ZC3H14: variants seen among roughly 807,000 people sequenced by gnomAD.
ZC3H14 encodes the protein zinc finger CCCH domain-containing protein 14.
In ZC3H14, 31 loss-of-function variants were observed where a neutral mutation model predicts 92.4. The ratio of observed to expected loss-of-function variants is 0.34; its 90% confidence interval spans 0.25 to 0.45. The LOEUF (loss-of-function observed/expected upper bound fraction) is 0.45. Among genes scored for constraint, ZC3H14 ranks in the 20% least tolerant of loss-of-function variants. ZC3H14 has a pLI of 1.00. For missense variants in ZC3H14, 781 were observed against 897.3 expected (o/e 0.87, Z 1.66); for synonymous variants, 321 against 300.9 (o/e 1.07, Z -0.69).
Position 88,627,074 on chromosome 14 carries a change from G to A in ZC3H14, c.*15323G>A. On this transcript the variant is annotated 3_prime_UTR_variant, in exon 17 of 17. Transcript: ENST00000251038. ...GACAAGATACAACAAAATTATCTAG[G>A]TTATTACAAGAACCAAGCTAATCAA... is the stretch of plus-strand genomic sequence containing the variant. 6.2e-7 allele frequency: 1 copy of A among 1,606,388 alleles called. No homozygotes were observed. Among genetic ancestry groups the A allele is most frequent in the Non-Finnish European group, 8.5e-7 (1 of 1,174,472 alleles).
chr14:88,609,011 T>G (rs1449000207), intron 13 of ZC3H14: 2 of 489,508 alleles, frequency 4.1e-6, no homozygotes, highest in Admixed American at 7.2e-5. Context: ...GTGGTGTGAT[T>G]TTTATCACAA....
intron 12 of ZC3H14, among the ~76,000 whole-genome samples, chr14:88,603,647 C>T (rs977698423): frequency 5.9e-5 from 9 of 152,156 alleles, no homozygotes; most frequent in Non-Finnish European, 1.3e-4. Context: ...GTAGCTGCAA[C>T]GCCACTGATC....
chr14:88,563,913 C>T (rs1483863004), intron 2 of ZC3H14, among the ~76,000 whole-genome samples: 1 of 151,974 alleles, frequency 6.6e-6, no homozygotes, highest in Non-Finnish European at 1.5e-5. Flanking sequence ...AATTTAGTTT[C>T]CTCCGTTAAG....
At chr14:88,577,889 CA>C in intron 8 of ZC3H14, 95 bp from the exon 9 acceptor site, 1 of 1,526,814 alleles carries the variant, frequency 6.5e-7, no homozygotes, top group Non-Finnish European at 9.1e-7. Context: ...TGTCCTAAAC[CA>C]AAGGAGGCAT....
chr14:88,622,456 AAGC>A lies in ZC3H14; in HGVS notation c.*10710_*10712del, dbSNP rs1312165221. 2 of 574,774 alleles carry A rather than the reference AAGC, an allele frequency of 3.5e-6. No homozygotes were observed. The highest frequency in any genetic ancestry group is 5.5e-6 in the Non-Finnish European group (2 of 363,706). The allele number at this position is 574,774 out of a possible 1,614,324, so 35.6% of individuals were successfully genotyped here. A position where few individuals can be genotyped will look rare whatever the true frequency, so the allele number is the denominator to read the frequency against. ...ACACTGGTGCTAACTTTGGCAAAGA[AAGC>A]AGCAAAGACAGAGTAATGTTGGCAA... On this transcript the variant is annotated 3_prime_UTR_variant, in exon 17 of 17. Coordinates refer to ENST00000251038, the MANE Select transcript of ZC3H14 (RefSeq NM_024824.5).
In ZC3H14 at chr14:88,578,090, C is replaced by A; in HGVS notation, c.1229C>A (p.Pro410His). 6.2e-7 allele frequency: 1 copy of A among 1,613,842 alleles called. No individual in the cohort carries two copies. Among genetic ancestry groups the A allele is most frequent in the East Asian group, 2.2e-5 (1 of 44,872 alleles). The change falls in exon 9 of 17, where the codon CCC (proline) becomes CAC (histidine). Residue 410 changes from proline to histidine, a missense_variant. Transcript: ENST00000251038. Reference protein sequence around the residue: ...QGQSRTPRISPPIKEEETKGD... With the variant: ...QGQSRTPRISHPIKEEETKGD... ...CAAAGTAGGACCCCCAGAATAAGTC[C>A]CCCCATTAAAGAAGAGGAAACAAAA...
chr14:88,620,392 T>C lies in ZC3H14; in HGVS notation c.*8641T>C. On this transcript the variant is annotated 3_prime_UTR_variant, in exon 17 of 17. Transcript: ENST00000251038. This position sits in a 1 kb window ranked among gnomAD's most constrained non-coding sequence, Gnocchi z 4.3. Reference sequence around the variant, plus strand: ...AAACTGAGGTTACTAAGAGAAGATATGTTTGAAATCACAACTTTAGTTTTC... The same window carrying C: ...AAACTGAGGTTACTAAGAGAAGATACGTTTGAAATCACAACTTTAGTTTTC... 5.8e-6 allele frequency: 1 copy of C among 173,408 alleles called. No individual in the cohort carries two copies. The highest frequency in any genetic ancestry group is 2.4e-5 in the African/African-American group (1 of 42,494). 10.7% of individuals were successfully genotyped at this position (173,408 alleles called of 1,614,324 possible). A position where few individuals can be genotyped will look rare whatever the true frequency, so the allele number is the denominator to read the frequency against.
chr14:88,578,233 GA>G, intron 9 of ZC3H14, 93 bp downstream of exon 9: 2 of 1,472,850 alleles, frequency 1.4e-6, no homozygotes, highest in Non-Finnish European at 1.9e-6. Context: ...ATTACACTAT[GA>G]AAAAAGTGAT....
chr14:88,575,834 T>C lies in ZC3H14; in HGVS notation c.1023-6T>C, dbSNP rs1484119765. ...TTAATAAAAATACCTTTCTTAACTCTTTTAGACCTTCTCTTCCACCTTCTA... is the reference window on the plus strand; with the variant it reads ...TTAATAAAAATACCTTTCTTAACTCCTTTAGACCTTCTCTTCCACCTTCTA... On this transcript the variant is annotated splice_region_variant and splice_polypyrimidine_tract_variant and intron_variant, in intron 7 of 16. Coordinates refer to ENST00000251038, the MANE Select transcript of ZC3H14 (RefSeq NM_024824.5). 2.5e-6 allele frequency: 4 copies of C among 1,609,650 alleles called. No homozygotes were observed. The highest frequency in any genetic ancestry group is 3.4e-6 in the Non-Finnish European group (4 of 1,176,486).
intron 2 of ZC3H14, among the ~76,000 whole-genome samples, chr14:88,567,421 C>CTTTTTTT (rs75032234): frequency 7.8e-6 from 1 of 128,704 alleles, no homozygotes; most frequent in Non-Finnish European, 1.7e-5. Context: ...GGCCTTTTTT[C>CTTTTTTT]TTTTTTTTTT....
Position 88,575,821 on chromosome 14 carries a change from C to A in ZC3H14, c.1023-19C>A. 1 of 1,591,210 alleles carries A rather than the reference C, an allele frequency of 6.3e-7. No homozygotes were observed. ...TGAAATTTAAAGTTTAATAAAAATA[C>A]CTTTCTTAACTCTTTTAGACCTTCT... On this transcript the variant is annotated intron_variant, in intron 7 of 16. Transcript: ENST00000251038.
intron 9 of ZC3H14, among the ~76,000 whole-genome samples, chr14:88,587,947 A>T (rs1047395482): frequency 1.2e-4 from 18 of 152,254 alleles, no homozygotes; most frequent in South Asian, 4.1e-4. Flanking sequence ...TAAAAAAAAA[A>T]TTTTAAAGAC....
At chr14:88,570,455 A>G (rs2080242665) in intron 3 of ZC3H14, among the ~76,000 whole-genome samples, 1 of 152,234 alleles carries the variant, frequency 6.6e-6, no homozygotes. Context: ...GAAATGATAT[A>G]GCATAGTTTG....
intron 9 of ZC3H14, among the ~76,000 whole-genome samples, chr14:88,596,332 G>C (rs75554649): frequency 2.3e-4 from 35 of 152,116 alleles, no homozygotes; most frequent in Admixed American, 6.5e-4. Flanking sequence ...TGAGTGAGTC[G>C]TGATGGTAAG....
At chr14:88,567,625 G>A (rs2079874185) in intron 2 of ZC3H14, among the ~76,000 whole-genome samples, 1 of 152,004 alleles carries the variant, frequency 6.6e-6, no homozygotes, top group South Asian at 2.1e-4. Flanking sequence ...TTTAGCAAGG[G>A]TAAAGATGTT....
chr14:88,616,364 C>A lies in ZC3H14; in HGVS notation c.*4613C>A. On this transcript the variant is annotated 3_prime_UTR_variant, in exon 17 of 17. Coordinates refer to ENST00000251038, the MANE Select transcript of ZC3H14 (RefSeq NM_024824.5). ...GAGAGTAGGGAGTTAGCACCGCAGC[C>A]AGTGATTAGAATGCTTTTCAGCATG... The A allele has an allele frequency of 1.1e-6, 1 of 942,756 alleles. No individual in the cohort carries two copies. Among genetic ancestry groups the A allele is most frequent in the Non-Finnish European group, 1.7e-6 (1 of 605,092 alleles). The allele number at this position is 942,756 out of a possible 1,614,324, so 58.4% of individuals were successfully genotyped here. A position where few individuals can be genotyped will look rare whatever the true frequency, so the allele number is the denominator to read the frequency against.
At position 88,594,787 on chromosome 14, in the gene ZC3H14, G is replaced by A. The variant is rs751535511; in HGVS notation, c.1280-1947G>A. ...ACCAATTTTTCTTCCACCGGAGCCA[G>A]TGGACTTAGGTTCCATAACAAGCTC... On this transcript the variant is annotated intron_variant, in intron 9 of 16. Transcript: ENST00000251038. 3.1e-6 allele frequency: 5 copies of A among 1,614,074 alleles called. No homozygotes were observed. In the Admixed American group the frequency reaches 8.3e-5, roughly 27 times the overall value.
chr14:88,616,446 G>T lies in ZC3H14; in HGVS notation c.*4695G>T. 1 of 617,832 alleles carries T rather than the reference G, an allele frequency of 1.6e-6. No homozygotes were observed. Among genetic ancestry groups the T allele is most frequent in the African/African-American group, 1.8e-5 (1 of 54,322 alleles). The allele number at this position is 617,832 out of a possible 1,614,324, so 38.3% of individuals were successfully genotyped here. A position where few individuals can be genotyped will look rare whatever the true frequency, so the allele number is the denominator to read the frequency against. On this transcript the variant is annotated 3_prime_UTR_variant, in exon 17 of 17. Transcript: ENST00000251038. ...GCAGTCAGATGTCTCCAGGTACTCT[G>T]ACCATTTTTCTCTAAGGAAAAGCAT...
rs1463054861 is a variant in ZC3H14, at chr14:88,621,234, T to C, written c.*9483T>C. 6.8e-6 allele frequency: 11 copies of C among 1,613,862 alleles called. No individual in the cohort carries two copies. The highest frequency in any genetic ancestry group is 1.6e-4 in the Middle Eastern group (1 of 6,084). ...ATCCACATGACCGTTAACTAAAATA[T>C]TACAAGCTGCATTTTTCTCTCCAAC... On this transcript the variant is annotated 3_prime_UTR_variant, in exon 17 of 17. Coordinates refer to ENST00000251038, the MANE Select transcript of ZC3H14 (RefSeq NM_024824.5).
Sources: allele counts gnomAD v4.1 joint callset (sites outside exome capture counted in the v4.1 genomes callset), GRCh38; gene constraint gnomAD v4.1.1; non-coding constraint Gnocchi (gnomAD v3.1); transcripts MANE v1.5; gene names NCBI Gene and HGNC (gene_info 2026-07-23, HGNC 2026-07-21).